The following OR1J2 variants were observed in gnomAD, a reference collection of about 807,000 sequenced individuals.
OR1J2 encodes olfactory receptor 1J2.
For synonymous variants in OR1J2, 142 were observed against 99.7 expected (o/e 1.42, Z -2.52); for missense variants, 304 against 246.1 (o/e 1.24, Z -1.57).
chr9:122,487,208 G>A, the OR1J2 span, among the ~76,000 whole-genome samples: 8 of 151,748 alleles, frequency 5.3e-5, no homozygotes, highest in South Asian at 2.1e-4. Context: ...ATTGCATGTA[G>A]GTATGTTTAT....
At chr9:122,491,991 T>C in the OR1J2 span, among the ~76,000 whole-genome samples, 1 of 152,248 alleles carries the variant, frequency 6.6e-6, no homozygotes, top group East Asian at 1.9e-4. Flanking sequence ...ATGTTTAGAT[T>C]TAACATTTTT....
At chr9:122,560,610 T>A in the OR1J2 span, among the ~76,000 whole-genome samples, 10 of 152,290 alleles carry the variant, frequency 6.6e-5, no homozygotes, top group African/African-American at 2.4e-4. Context: ...GGATATGAAA[T>A]TCTGCGTTGA....
chr9:122,475,916 A>G, the OR1J2 span: 2 of 152,214 alleles, frequency 1.3e-5, no homozygotes, highest in Non-Finnish European at 2.9e-5. Flanking sequence ...GTAAACTATT[A>G]TAGTCTTTGC....
At chr9:122,471,503 G>A in the OR1J2 span, 1 of 152,156 alleles carries the variant, frequency 6.6e-6, no homozygotes, top group Non-Finnish European at 1.5e-5. Context: ...AGCCTTTGGA[G>A]TTGTTCATAA....
the OR1J2 span, among the ~76,000 whole-genome samples, chr9:122,503,013 T>A: frequency 6.6e-6 from 1 of 152,240 alleles, no homozygotes; most frequent in African/African-American, 2.4e-5. Flanking sequence ...CAGGAGATCA[T>A]CTACAGGTGG....
the OR1J2 span, among the ~76,000 whole-genome samples, chr9:122,498,135 A>G: frequency 2.0e-5 from 3 of 152,020 alleles, no homozygotes; most frequent in Non-Finnish European, 4.4e-5. Context: ...TCTATGTGCA[A>G]ATGAGAAGAA....
chr9:122,568,213 C>T, the OR1J2 span: 2 of 1,614,204 alleles, frequency 1.2e-6, no homozygotes, highest in Non-Finnish European at 1.7e-6. Flanking sequence ...GTCTTCTTTT[C>T]TGACAGGAAG....
At chr9:122,500,914 T>C in the OR1J2 span, among the ~76,000 whole-genome samples, 1 of 152,150 alleles carries the variant, frequency 6.6e-6, no homozygotes. Context: ...CTAGTTTCCG[T>C]GAATAAGGGA....
At chr9:122,455,513 A>G in the OR1J2 span, among the ~76,000 whole-genome samples, 24 of 152,122 alleles carry the variant, frequency 1.6e-4, no homozygotes, top group African/African-American at 5.8e-4. Context: ...AGGGATGCCT[A>G]TTCATGTTCT....
the OR1J2 span, among the ~76,000 whole-genome samples, chr9:122,568,891 A>C: frequency 8.9e-4 from 136 of 152,230 alleles, 1 homozygote; most frequent in Admixed American, 2.3e-3. Flanking sequence ...GTAGTATAGC[A>C]TCAGTTAGGG....
At chr9:122,522,683 ATTCT>A in the OR1J2 span, among the ~76,000 whole-genome samples, 2 of 152,186 alleles carry the variant, frequency 1.3e-5, no homozygotes, top group Non-Finnish European at 2.9e-5. Flanking sequence ...ATAGTAAAAC[ATTCT>A]TTATTTTATA....
the OR1J2 span, among the ~76,000 whole-genome samples, chr9:122,537,960 C>G: frequency 6.6e-6 from 1 of 152,146 alleles, no homozygotes; most frequent in Non-Finnish European, 1.5e-5. Flanking sequence ...TCTGGTAGCT[C>G]CACCCTGTCC....
chr9:122,550,479 A>G, the OR1J2 span, among the ~76,000 whole-genome samples: 1 of 152,214 alleles, frequency 6.6e-6, no homozygotes, highest in African/African-American at 2.4e-5. Flanking sequence ...TGTGGTGACA[A>G]TAGATGCAAA....
At chr9:122,478,832 T>G in the OR1J2 span, among the ~76,000 whole-genome samples, 16 of 152,124 alleles carry the variant, frequency 1.1e-4, no homozygotes, top group African/African-American at 3.6e-4. Context: ...AAGGCTGGAG[T>G]GCAGTGGTGA....
chr9:122,450,287 T>C, the OR1J2 span, among the ~76,000 whole-genome samples: 1 of 152,032 alleles, frequency 6.6e-6, no homozygotes, highest in Admixed American at 6.6e-5. Flanking sequence ...AAAAATTAGC[T>C]GCGCTTGGTG....
chr9:122,451,377 G>A, the OR1J2 span, among the ~76,000 whole-genome samples: 2 of 151,864 alleles, frequency 1.3e-5, no homozygotes, highest in Admixed American at 6.6e-5. Flanking sequence ...TAGAGATGGG[G>A]TTTCTCCATG....
chr9:122,490,721 G>A, the OR1J2 span, among the ~76,000 whole-genome samples: 1 of 152,156 alleles, frequency 6.6e-6, no homozygotes, highest in Non-Finnish European at 1.5e-5. Flanking sequence ...ACTTGAACAG[G>A]GGAAGAGGTT....
At chr9:122,459,443 A>G in the OR1J2 span, among the ~76,000 whole-genome samples, 1 of 152,236 alleles carries the variant, frequency 6.6e-6, no homozygotes, top group Non-Finnish European at 1.5e-5. Flanking sequence ...TCTTGAAAGG[A>G]CACTTGCCCA....
At chr9:122,575,283 G>A in the OR1J2 span, among the ~76,000 whole-genome samples, 1 of 152,040 alleles carries the variant, frequency 6.6e-6, no homozygotes, top group African/African-American at 2.4e-5. Context: ...TTCTTTAAAT[G>A]TTTAGTAGAA....
Sources: allele counts gnomAD v4.1 joint callset (sites outside exome capture counted in the v4.1 genomes callset), GRCh38; gene constraint gnomAD v4.1.1; transcripts MANE v1.5; gene names NCBI Gene and HGNC (gene_info 2026-07-23, HGNC 2026-07-21).